Variants in CCSER1 observed in about 807,000 individuals in gnomAD.
CCSER1 encodes coiled-coil serine rich protein 1.
In CCSER1, 41 loss-of-function variants were observed where a neutral mutation model predicts 82.0. The observed-to-expected ratio is 0.50, with a 90% confidence interval of 0.39 to 0.65. CCSER1 has a LOEUF of 0.65. CCSER1 is among the 30% of genes least tolerant of loss of function. The pLI, the probability that CCSER1 is intolerant of heterozygous loss-of-function variation, is 0.00. For missense variants in CCSER1, 1,119 were observed against 1,064.2 expected (o/e 1.05, Z -0.72); for synonymous variants, 414 against 383.9 (o/e 1.08, Z -0.92).
At chr4:90,323,097 G>A (rs991616835) in intron 3 of CCSER1, among the ~76,000 whole-genome samples, 4 of 152,154 alleles carry the variant, frequency 2.6e-5, no homozygotes, top group African/African-American at 9.7e-5. Context: ...GAATATGCAG[G>A]GTGCTTCATT....
chr4:90,149,933 A>G (rs1560693589), intron 1 of CCSER1, among the ~76,000 whole-genome samples: 3 of 152,300 alleles, frequency 2.0e-5, no homozygotes, highest in Non-Finnish European at 2.9e-5. Flanking sequence ...GGTCAATGCC[A>G]TAAGGAAGTT....
At chr4:91,006,614 C>A (rs957294233) in intron 9 of CCSER1, among the ~76,000 whole-genome samples, 1 of 151,828 alleles carries the variant, frequency 6.6e-6, no homozygotes, top group East Asian at 1.9e-4. Context: ...CTCAGCCTCC[C>A]GAGTAGCTGG....
intron 10 of CCSER1, among the ~76,000 whole-genome samples, chr4:91,178,706 A>G (rs1733670679): frequency 6.6e-6 from 1 of 152,024 alleles, no homozygotes; most frequent in African/African-American, 2.4e-5. Context: ...GTGTCTCTGC[A>G]TGTGAGATGG....
At chr4:91,208,604 G>A (rs1736540949) in intron 10 of CCSER1, among the ~76,000 whole-genome samples, 1 of 151,782 alleles carries the variant, frequency 6.6e-6, no homozygotes, top group African/African-American at 2.4e-5. Flanking sequence ...TTTTGTACTA[G>A]TACCATGCTG....
At chr4:91,215,015 G>A (rs1737131819) in intron 10 of CCSER1, among the ~76,000 whole-genome samples, 1 of 151,940 alleles carries the variant, frequency 6.6e-6, no homozygotes, top group South Asian at 2.1e-4. Context: ...TAAAGTTTTA[G>A]AAGTTAAGGG....
At chr4:90,481,831 CT>C (rs898731891) in intron 5 of CCSER1, among the ~76,000 whole-genome samples, 16 of 151,940 alleles carry the variant, frequency 1.1e-4, no homozygotes, top group East Asian at 3.9e-4. Flanking sequence ...CTAAAATTCT[CT>C]TTTTTTTGTT....
chr4:91,573,934 C>G (rs1763313085), intron 10 of CCSER1, among the ~76,000 whole-genome samples: 1 of 151,928 alleles, frequency 6.6e-6, no homozygotes. Flanking sequence ...GAATAAAATA[C>G]TTTAGCATAA....
At chr4:91,184,148 C>A (rs1261570405) in intron 10 of CCSER1, among the ~76,000 whole-genome samples, 1 of 152,140 alleles carries the variant, frequency 6.6e-6, no homozygotes, top group East Asian at 1.9e-4. Flanking sequence ...AGTGGGGCAG[C>A]ACAAAATATA....
intron 5 of CCSER1, among the ~76,000 whole-genome samples, chr4:90,495,964 A>C (rs1215306323): frequency 1.3e-5 from 2 of 152,220 alleles, no homozygotes; most frequent in Non-Finnish European, 2.9e-5. Flanking sequence ...TTAGCTCAGG[A>C]AAAGCATTCA....
rs146556438 is a variant in CCSER1 at position 90,326,476 on chromosome 4, CAT to C, written c.1509+13444_1509+13445del. ...GTGCTAAAAGTTTGCTCTGAAATTC[CAT>C]ATATATATATATATCTTCTGTTGTT... is the stretch of plus-strand genomic sequence containing the variant. On this transcript the variant is annotated intron_variant, in intron 3 of 10. Transcript: ENST00000509176. Among the ~76,000 whole-genome samples, 553 of 150,166 alleles carry C rather than the reference CAT, an allele frequency of 3.7e-3. 5 individuals are homozygous for C. Among genetic ancestry groups the C allele is most frequent in the Middle Eastern group, 0.014 (4 of 286 alleles).
chr4:90,705,366 G>T (rs1214073261), intron 6 of CCSER1, among the ~76,000 whole-genome samples: 1 of 152,216 alleles, frequency 6.6e-6, no homozygotes, highest in Non-Finnish European at 1.5e-5. Context: ...GGCCATGTGA[G>T]TTGTCAGTCT....
At chr4:90,837,852 C>A (rs1467517373) in intron 8 of CCSER1, among the ~76,000 whole-genome samples, 1 of 151,990 alleles carries the variant, frequency 6.6e-6, no homozygotes. Context: ...TAGTTGTAAC[C>A]ATGAGTAAGG....
chr4:90,384,083 C>A (rs1052703216), intron 3 of CCSER1, among the ~76,000 whole-genome samples: 1 of 151,452 alleles, frequency 6.6e-6, no homozygotes, highest in Admixed American at 6.6e-5. Context: ...TTTTCGAACC[C>A]TCGTTTTTTT....
chr4:91,363,705 A>G (rs1302469277), intron 10 of CCSER1, among the ~76,000 whole-genome samples: 1 of 151,802 alleles, frequency 6.6e-6, no homozygotes, highest in Non-Finnish European at 1.5e-5. Flanking sequence ...TTCTTTGATT[A>G]AAGAGTCAGT....
intron 10 of CCSER1, among the ~76,000 whole-genome samples, chr4:91,306,309 T>C (rs1056705198): frequency 2.0e-5 from 3 of 152,058 alleles, no homozygotes; most frequent in Non-Finnish European, 4.4e-5. Context: ...TTGGATCATA[T>C]TTGAAGACTT....
intron 10 of CCSER1, among the ~76,000 whole-genome samples, chr4:91,456,023 A>G (rs1047881956): frequency 1.3e-5 from 2 of 152,060 alleles, no homozygotes; most frequent in African/African-American, 4.8e-5. Context: ...TGATTGTCTT[A>G]GTCAGTTTGG....
At chr4:90,638,567 A>G (rs1423870197) in intron 6 of CCSER1, among the ~76,000 whole-genome samples, 1 of 152,204 alleles carries the variant, frequency 6.6e-6, no homozygotes, top group Non-Finnish European at 1.5e-5. Flanking sequence ...ATCCCATTGT[A>G]TACTCCCTGG....
At chr4:90,443,167 T>A (rs1401123281) in intron 4 of CCSER1, among the ~76,000 whole-genome samples, 1 of 152,202 alleles carries the variant, frequency 6.6e-6, no homozygotes, top group Non-Finnish European at 1.5e-5. Flanking sequence ...GTTCTTTCCA[T>A]GGATCTTAGG....
intron 10 of CCSER1, among the ~76,000 whole-genome samples, chr4:91,246,366 C>T (rs1459842826): frequency 6.6e-6 from 1 of 151,992 alleles, no homozygotes; most frequent in Non-Finnish European, 1.5e-5. Flanking sequence ...AAACGTACAA[C>T]AGATACACAA....
Sources: allele counts gnomAD v4.1 joint callset (sites outside exome capture counted in the v4.1 genomes callset), GRCh38; gene constraint gnomAD v4.1.1; transcripts MANE v1.5; gene names NCBI Gene and HGNC (gene_info 2026-07-23, HGNC 2026-07-21).